CNTN4: variants seen among roughly 807,000 people sequenced by gnomAD.
CNTN4 encodes contactin-4.
Under a neutral mutation model 122.5 loss-of-function variants are expected in CNTN4, and 77 were observed. That is an observed-to-expected ratio of 0.63 (90% CI 0.52 to 0.76). The LOEUF is 0.76. CNTN4 is among the 30% of genes least tolerant of loss of function. The pLI is 0.00. For missense variants in CNTN4, 1,256 were observed against 1,259.1 expected, an observed-to-expected ratio of 1.00 and a Z score of 0.04; for synonymous variants, 512 against 447.0, an observed-to-expected ratio of 1.15 and a Z score of -1.83.
intron 6 of CNTN4, among the ~76,000 whole-genome samples, chr3:2,766,002 C>T (rs2090840845): frequency 6.6e-6 from 1 of 152,192 alleles, no homozygotes. Flanking sequence ...GATCAGCTGT[C>T]TATAGCATTT....
intron 4 of CNTN4, among the ~76,000 whole-genome samples, chr3:2,579,065 C>T (rs904921851): frequency 6.6e-6 from 1 of 152,146 alleles, no homozygotes; most frequent in African/African-American, 2.4e-5. Flanking sequence ...TAGTAGCAAG[C>T]ACACAACCCA....
At chr3:2,980,927 C>T (rs890918879) in intron 13 of CNTN4, among the ~76,000 whole-genome samples, 5 of 152,090 alleles carry the variant, frequency 3.3e-5, no homozygotes, top group Non-Finnish European at 5.9e-5. Flanking sequence ...CTGGCCAGCA[C>T]CACCCTGTTG....
At chr3:2,702,303 C>CT (rs902182076) in intron 4 of CNTN4, among the ~76,000 whole-genome samples, 2 of 152,196 alleles carry the variant, frequency 1.3e-5, no homozygotes, top group Admixed American at 6.5e-5. Context: ...CATATGTCCA[C>CT]TGTGGGAATA....
rs58112641 is a variant in CNTN4 at position 2,400,428 on chromosome 3, C to CAT, written c.-89+61216_-89+61217dup. On this transcript the variant is annotated intron_variant, in intron 3 of 24. Coordinates refer to ENST00000418658, the MANE Select transcript of CNTN4 (RefSeq NM_175607.3). ...GAATATATATATATATATATATATA[C>CAT]ATATATATATATATATATATATCTC... Among the ~76,000 whole-genome samples, 657 of 95,778 alleles carry CAT rather than the reference C, an allele frequency of 6.9e-3. 13 individuals carry two copies. Among genetic ancestry groups the CAT allele is most frequent in the East Asian group, 0.015 (58 of 3,812 alleles). 62.8% of individuals were successfully genotyped at this position (95,778 alleles called of 152,430 possible).
Position 2,354,352 on chromosome 3 carries a change from G to A in CNTN4, c.-89+15119G>A, listed in dbSNP as rs565054617. Among the ~76,000 whole-genome samples the A allele has an allele frequency of 6.6e-5, 10 of 152,206 alleles. 1 individual carries two copies. The highest frequency in any genetic ancestry group is 2.1e-4 in the South Asian group (1 of 4,814). ...TCAATACCAGGCTGGCCAATGTGGC[G>A]AAACCCCATCTCTACTAAAAGTGGA... On this transcript the variant is annotated intron_variant, in intron 3 of 24. Coordinates refer to ENST00000418658, the MANE Select transcript of CNTN4 (RefSeq NM_175607.3).
At chr3:2,347,365 A>G (rs1487876199) in intron 3 of CNTN4, among the ~76,000 whole-genome samples, 2 of 148,208 alleles carry the variant, frequency 1.3e-5, no homozygotes, top group African/African-American at 2.4e-5. Flanking sequence ...TTCCACTAGC[A>G]AAAGAAGCCA....
intron 6 of CNTN4, among the ~76,000 whole-genome samples, chr3:2,780,809 A>C (rs1439674463): frequency 3.9e-5 from 6 of 152,342 alleles, no homozygotes; most frequent in Admixed American, 2.6e-4. Context: ...TGAGAGGTAA[A>C]GTTGTGATGC....
At chr3:2,711,347 C>G (rs1056567572) in intron 4 of CNTN4, among the ~76,000 whole-genome samples, 4 of 152,168 alleles carry the variant, frequency 2.6e-5, no homozygotes, top group Non-Finnish European at 5.9e-5. Flanking sequence ...TGGAGTGTTA[C>G]AAAGCCTCCT....
At chr3:2,976,698 A>G (rs974293183) in intron 13 of CNTN4, among the ~76,000 whole-genome samples, 2 of 152,188 alleles carry the variant, frequency 1.3e-5, no homozygotes, top group Non-Finnish European at 1.5e-5. Flanking sequence ...CCACAAAACA[A>G]TCTTTCTTTC....
chr3:2,435,661 G>A (rs907344370), intron 3 of CNTN4, among the ~76,000 whole-genome samples: 1 of 152,116 alleles, frequency 6.6e-6, no homozygotes, highest in African/African-American at 2.4e-5. Flanking sequence ...ATGCTGTTCT[G>A]TTAGTATTTT....
At position 2,785,138 on chromosome 3, in the gene CNTN4, C is replaced by CATATAT. The variant is rs1553639244; in HGVS notation, c.359-34344_359-34339dup. 8.0e-4 allele frequency among the ~76,000 whole-genome samples: 109 copies of CATATAT among 136,284 alleles called. No homozygotes were observed. The South Asian group carries it at 0.027, about 33-fold the overall frequency. The allele number at this position is 136,284 out of a possible 152,430, so 89.4% of individuals were successfully genotyped here. A position where few individuals can be genotyped will look rare whatever the true frequency, so the allele number is the denominator to read the frequency against. On this transcript the variant is annotated intron_variant, in intron 6 of 24. Transcript: ENST00000418658. Reference sequence around the variant, plus strand: ...GTACACACACACACACACACACACACATATATATAGAGAGAGAGAGAGAGA... The same window carrying CATATAT: ...GTACACACACACACACACACACACACATATATATATATATAGAGAGAGAGAGAGAGA...
intron 12 of CNTN4, among the ~76,000 whole-genome samples, chr3:2,916,196 T>C (rs2094351983): frequency 6.6e-6 from 1 of 152,240 alleles, no homozygotes; most frequent in South Asian, 2.1e-4. Flanking sequence ...TTTTTCTTTT[T>C]CTTTTTTTCA....
chr3:2,821,597 A>G (rs2092875525), intron 7 of CNTN4, among the ~76,000 whole-genome samples: 2 of 152,182 alleles, frequency 1.3e-5, no homozygotes, highest in Non-Finnish European at 2.9e-5. Context: ...AAAATATCAT[A>G]ATTTTACTAG....
intron 8 of CNTN4, chr3:2,882,804 C>A: frequency 3.6e-6 from 1 of 275,536 alleles, no homozygotes; most frequent in South Asian, 4.0e-5. Context: ...CAGTATACTT[C>A]CAAAGAGATA....
chr3:2,910,376 G>A (rs182072973), intron 12 of CNTN4, among the ~76,000 whole-genome samples: 1 of 152,284 alleles, frequency 6.6e-6, no homozygotes, highest in East Asian at 1.9e-4. Context: ...CTGTAAAACT[G>A]CTGTGAAGAG....
chr3:2,269,687 A>G (rs1258085993), intron 2 of CNTN4, among the ~76,000 whole-genome samples: 2 of 152,128 alleles, frequency 1.3e-5, no homozygotes, highest in East Asian at 1.9e-4. Context: ...AAGTATAACT[A>G]TGTCCGTGAT....
At chr3:2,351,590 G>A (rs1375031370) in intron 3 of CNTN4, among the ~76,000 whole-genome samples, 2 of 152,108 alleles carry the variant, frequency 1.3e-5, no homozygotes, top group Non-Finnish European at 2.9e-5. Flanking sequence ...CATTCCCCGT[G>A]GAGTAGGACA....
chr3:2,949,437 C>G (rs984191237), intron 13 of CNTN4, among the ~76,000 whole-genome samples: 4 of 152,196 alleles, frequency 2.6e-5, no homozygotes, highest in African/African-American at 9.6e-5. Context: ...GCGATGCTTT[C>G]AGGAAGGGCC....
intron 3 of CNTN4, among the ~76,000 whole-genome samples, chr3:2,384,161 A>G (rs963070114): frequency 6.6e-6 from 1 of 152,130 alleles, no homozygotes. Context: ...CGTGTGCATC[A>G]TAAGGACTCA....
Sources: gnomAD v4.1 joint callset for allele counts (sites outside exome capture counted in the v4.1 genomes callset) on GRCh38, gnomAD v4.1.1 for gene constraint, MANE v1.5 for transcripts, NCBI Gene and HGNC (gene_info 2026-07-23, HGNC 2026-07-21) for gene names.